TTLL5: variants seen among roughly 807,000 people sequenced by gnomAD.
TTLL5 encodes the protein tubulin tyrosine ligase like 5.
In TTLL5, 132 loss-of-function variants were observed where a neutral mutation model predicts 168.4. The observed-to-expected ratio is 0.78, with a 90% CI of 0.68 to 0.91. TTLL5 has a LOEUF of 0.91. Among genes scored for constraint, TTLL5 ranks in the 40% least tolerant of loss-of-function variants. The pLI is 0.00. For synonymous variants in TTLL5, 546 were observed against 558.6 expected, an observed-to-expected ratio of 0.98 and a Z score of 0.32; for missense variants, 1,545 against 1,581.5, an observed-to-expected ratio of 0.98 and a Z score of 0.39.
chr14:75,813,866 C>T (rs1333474782), intron 27 of TTLL5, among the ~76,000 whole-genome samples: 1 of 151,752 alleles, frequency 6.6e-6, no homozygotes, highest in East Asian at 1.9e-4. Flanking sequence ...CAACTATCTC[C>T]TGTCTGTTTT....
intron 27 of TTLL5, among the ~76,000 whole-genome samples, chr14:75,811,450 A>G (rs1894022374): frequency 1.3e-5 from 2 of 151,894 alleles, no homozygotes; most frequent in Non-Finnish European, 2.9e-5. Context: ...CCTCCTACCT[A>G]TTATTTTAGG....
intron 31 of TTLL5, among the ~76,000 whole-genome samples, chr14:75,947,961 T>G (rs1365195560): frequency 6.7e-6 from 1 of 149,622 alleles, no homozygotes; most frequent in Non-Finnish European, 1.5e-5. Context: ...AAAATCGAAA[T>G]TTTAACTACA....
In TTLL5 at chr14:75,771,774, C is replaced by A. The variant is rs1891338697; in HGVS notation, c.2056C>A (p.His686Asn). ...AATAGCATTCTCTGCCTATCTCCAGCATGTTCAAATTCGCCTGATGAAAGA... is the reference window on the plus strand; with the variant it reads ...AATAGCATTCTCTGCCTATCTCCAGAATGTTCAAATTCGCCTGATGAAAGA... Reference protein sequence around the residue: ...ARIAFSAYLQHVQIRLMKDSG... With the variant: ...ARIAFSAYLQNVQIRLMKDSG... Residue 686 changes from histidine to asparagine, a missense_variant, in exon 21 of 32, where the codon CAT becomes AAT. By Grantham distance (68) the His-to-Asn change is moderately conservative (BLOSUM62 1). Coordinates refer to ENST00000298832, the MANE Select transcript of TTLL5 (RefSeq NM_015072.5). The A allele has an allele frequency of 6.2e-7, 1 of 1,614,080 alleles. No homozygotes were observed. Among genetic ancestry groups the A allele is most frequent in the Non-Finnish European group, 8.5e-7 (1 of 1,179,960 alleles).
intron 7 of TTLL5, among the ~76,000 whole-genome samples, chr14:75,705,719 A>G (rs982647494): frequency 2.6e-5 from 4 of 152,188 alleles, no homozygotes; most frequent in African/African-American, 9.7e-5. Flanking sequence ...TGTGTCTGCA[A>G]ATGTTGATGG....
At chr14:75,732,760 G>A (rs116888247) in intron 13 of TTLL5, among the ~76,000 whole-genome samples, 1,949 of 152,058 alleles carry the variant, frequency 0.013, 17 homozygotes, top group Middle Eastern at 0.027. Flanking sequence ...CTTCATTACC[G>A]AAAGTTTTAC....
At chr14:75,772,929 A>G (rs1278839907) in intron 21 of TTLL5, among the ~76,000 whole-genome samples, 1 of 152,130 alleles carries the variant, frequency 6.6e-6, no homozygotes, top group Non-Finnish European at 1.5e-5. Context: ...GGCCTCCCAA[A>G]GTGCTGGGAT....
chr14:75,914,033 A>AAAAAAAAAAAAAATATATATATAT, intron 31 of TTLL5, among the ~76,000 whole-genome samples: 30 of 71,038 alleles, frequency 4.2e-4, no homozygotes, highest in South Asian at 5.5e-4. Flanking sequence ...AAAAAAAAAA[A>AAAAAAAAAAAAAATATATATATAT]ATATATATAT....
At chr14:75,934,509 T>C (rs574879531) in intron 31 of TTLL5, among the ~76,000 whole-genome samples, 1 of 152,104 alleles carries the variant, frequency 6.6e-6, no homozygotes, top group Non-Finnish European at 1.5e-5. Context: ...TAAGACAAGG[T>C]TTTCTGGGGG....
At chr14:75,707,299 A>G (rs911139724) in intron 8 of TTLL5, among the ~76,000 whole-genome samples, 1 of 152,194 alleles carries the variant, frequency 6.6e-6, no homozygotes, top group Non-Finnish European at 1.5e-5. Flanking sequence ...TATAGGTTAT[A>G]TAGTAGTATA....
At chr14:75,826,296 TACACACACACAC>T (rs57519882) in intron 28 of TTLL5, among the ~76,000 whole-genome samples, 5 of 139,352 alleles carry the variant, frequency 3.6e-5, no homozygotes, top group African/African-American at 8.1e-5. Context: ...AGGATACGCG[TACACACACACAC>T]ACACACACAC....
intron 9 of TTLL5, among the ~76,000 whole-genome samples, chr14:75,714,515 C>G (rs1887300754): frequency 6.6e-6 from 1 of 151,980 alleles, no homozygotes; most frequent in Admixed American, 6.6e-5. Context: ...TGAGGAAGAG[C>G]TTTATCTTCT....
intron 27 of TTLL5, among the ~76,000 whole-genome samples, chr14:75,811,084 A>G (rs1331900639): frequency 7.9e-6 from 1 of 127,046 alleles, no homozygotes; most frequent in Non-Finnish European, 1.6e-5. Context: ...TGGTGAAACT[A>G]GCTGCTAACT....
At chr14:75,755,278 T>A (rs149364517) in intron 18 of TTLL5, among the ~76,000 whole-genome samples, 5,700 of 20,812 alleles carry the variant, frequency 0.27, 384 homozygotes, top group African/African-American at 0.38. Flanking sequence ...AAAATAATAA[T>A]AATAATAATA....
At chr14:75,910,021 C>T (rs1446099182) in intron 31 of TTLL5, among the ~76,000 whole-genome samples, 1 of 152,158 alleles carries the variant, frequency 6.6e-6, no homozygotes, top group African/African-American at 2.4e-5. Context: ...AATAGGGGTA[C>T]TTCTAAGAAT....
chr14:75,683,217 G>C (rs1340634921), intron 4 of TTLL5, among the ~76,000 whole-genome samples: 1 of 152,326 alleles, frequency 6.6e-6, no homozygotes, highest in South Asian at 2.1e-4. Flanking sequence ...GCTACTATAA[G>C]GTTTATCTCT....
intron 7 of TTLL5, among the ~76,000 whole-genome samples, chr14:75,705,710 G>T (rs1886603590): frequency 6.6e-6 from 1 of 152,170 alleles, no homozygotes; most frequent in Non-Finnish European, 1.5e-5. Context: ...GTTAAATTTT[G>T]TGTCTGCAAA....
intron 3 of TTLL5, among the ~76,000 whole-genome samples, chr14:75,675,158 A>G (rs1884043754): frequency 6.6e-6 from 1 of 152,236 alleles, no homozygotes. Context: ...AAAGTTAAAT[A>G]AGGACATTTC....
At chr14:75,905,493 G>A (rs998323290) in intron 31 of TTLL5, among the ~76,000 whole-genome samples, 10 of 152,190 alleles carry the variant, frequency 6.6e-5, no homozygotes, top group African/African-American at 2.4e-4. Flanking sequence ...AAAGCTCTTA[G>A]CAGAGTACCT....
rs2032855032 is a variant in TTLL5 at position 75,900,075 on chromosome 14, C to T, written c.3741-2067C>T. On this transcript the variant is annotated intron_variant, in intron 30 of 31. Coordinates refer to ENST00000298832, the MANE Select transcript of TTLL5 (RefSeq NM_015072.5). ...AACTTCTGTAAAGGAAAGAGCTTAT[C>T]TTAGGCCCTCCAGAACTTTTTCACT... Among the ~76,000 whole-genome samples, 5 of 152,048 alleles carry T rather than the reference C, an allele frequency of 3.3e-5. No homozygotes were observed. In the South Asian group the frequency reaches 1.0e-3, roughly 32 times the overall value.
Sources: allele counts gnomAD v4.1 joint callset (sites outside exome capture counted in the v4.1 genomes callset), GRCh38; gene constraint gnomAD v4.1.1; transcripts MANE v1.5; gene names NCBI Gene and HGNC (gene_info 2026-07-23, HGNC 2026-07-21).